HIP1: variants seen among roughly 807,000 people sequenced by gnomAD.
The protein encoded by HIP1 is huntingtin interacting protein 1, also known as huntingtin-interacting protein 1.
Under a neutral mutation model 147.6 loss-of-function variants are expected in HIP1, and 65 were observed. The observed-to-expected ratio is 0.44, with a 90% confidence interval of 0.36 to 0.54. HIP1 has a LOEUF of 0.54. HIP1 is among the 20% of genes least tolerant of loss of function. The probability of loss-of-function intolerance (pLI) is 0.00; values close to 1 mark genes in which losing one functional copy is unlikely to be tolerated. For synonymous variants in HIP1, 479 were observed against 504.0 expected, an observed-to-expected ratio of 0.95 and a Z score of 0.67; for missense variants, 1,061 against 1,299.6, an observed-to-expected ratio of 0.82 and a Z score of 2.82.
chr7:75,585,285 A>G (rs1389703491), intron 5 of HIP1, among the ~76,000 whole-genome samples: 7 of 151,708 alleles, frequency 4.6e-5, no homozygotes, highest in Admixed American at 1.3e-4. Context: ...CCCAGGTTCA[A>G]GCGATTCTCC....
chr7:75,658,181 C>T (rs561782771), intron 1 of HIP1, among the ~76,000 whole-genome samples: 42 of 152,250 alleles, frequency 2.8e-4, no homozygotes, highest in Middle Eastern at 3.4e-3. Flanking sequence ...GCAGCCTTCA[C>T]CTCCCGACTT....
intron 1 of HIP1, among the ~76,000 whole-genome samples, chr7:75,712,708 ACTCT>A (rs1247452820): frequency 1.3e-5 from 2 of 151,448 alleles, no homozygotes; most frequent in African/African-American, 4.9e-5. Context: ...TCATTTACTC[ACTCT>A]GTCAATCTCT....
At chr7:75,585,861 C>A (rs922642795) in intron 5 of HIP1, among the ~76,000 whole-genome samples, 2 of 152,046 alleles carry the variant, frequency 1.3e-5, no homozygotes, top group Non-Finnish European at 2.9e-5. Context: ...GTTGCCCAGG[C>A]GGGAGGGCAG....
chr7:75,557,859 G>T, intron 15 of HIP1, 89 bp from the exon 16 acceptor site: 1 of 980,044 alleles, frequency 1.0e-6, no homozygotes, highest in Non-Finnish European at 1.6e-6. Context: ...GGCTGTGCGT[G>T]CCCTAGAGTC....
intron 21 of HIP1, among the ~76,000 whole-genome samples, 196 bp from the exon 22 acceptor site, chr7:75,553,785 G>A (rs1041500689): frequency 6.6e-6 from 1 of 152,142 alleles, no homozygotes; most frequent in Non-Finnish European, 1.5e-5. Flanking sequence ...TGTATTTTTA[G>A]TAGAGACGGG....
chr7:75,628,267 C>T (rs1366820064), intron 1 of HIP1, among the ~76,000 whole-genome samples: 1 of 152,138 alleles, frequency 6.6e-6, no homozygotes, highest in Non-Finnish European at 1.5e-5. Context: ...CAGCACCTGG[C>T]ATATGGAAGA....
chr7:75,738,767 G>A (rs1554523947), intron 1 of HIP1, 34 bp downstream of exon 1: 4 of 1,590,594 alleles, frequency 2.5e-6, no homozygotes, highest in East Asian at 2.3e-5. Context: ...CCCTCAGGGT[G>A]CCCCAGGGAT....
At chr7:75,700,100 A>G (rs775181763) in intron 1 of HIP1, among the ~76,000 whole-genome samples, 10 of 152,204 alleles carry the variant, frequency 6.6e-5, no homozygotes, top group African/African-American at 1.4e-4. Flanking sequence ...ATCCGCCCGC[A>G]TCGGCCTCTC....
intron 1 of HIP1, among the ~76,000 whole-genome samples, chr7:75,681,758 C>T (rs1404712254): frequency 2.0e-5 from 3 of 151,906 alleles, no homozygotes; most frequent in Admixed American, 1.3e-4. Context: ...TCTCCCACCT[C>T]CCAAAGTGCT....
At chr7:75,628,122 C>T (rs1798103223) in intron 1 of HIP1, among the ~76,000 whole-genome samples, 1 of 152,200 alleles carries the variant, frequency 6.6e-6, no homozygotes, top group Admixed American at 6.5e-5. Context: ...TTACCACCTT[C>T]CAACAGCCTA....
chr7:75,715,458 CAGAG>C lies in HIP1; in HGVS notation c.120+23339_120+23342del, dbSNP rs1164089551. On this transcript the variant is annotated intron_variant, in intron 1 of 30. Coordinates refer to ENST00000336926, the MANE Select transcript of HIP1 (RefSeq NM_005338.7). ...GAAAGAAGGGAGAGAGAGACACACACAGAGAGAGAGAGAGAGAGAGAGAGAGAGA... is the reference window on the plus strand; with the variant it reads ...GAAAGAAGGGAGAGAGAGACACACACAGAGAGAGAGAGAGAGAGAGAGAGA... Among the ~76,000 whole-genome samples, 1,002 of 106,554 alleles carry C rather than the reference CAGAG, an allele frequency of 9.4e-3. 7 individuals are homozygous for C. The highest frequency in any genetic ancestry group is 0.025 in the African/African-American group (758 of 30,158). 69.9% of individuals were successfully genotyped at this position (106,554 alleles called of 152,430 possible).
intron 5 of HIP1, 76 bp from the exon 6 acceptor site, chr7:75,582,227 C>T (rs1458476316): frequency 4.2e-5 from 48 of 1,155,764 alleles, no homozygotes; most frequent in Admixed American, 9.5e-5. Context: ...TGGTGGCACA[C>T]GCCTGTGGTC....
intron 4 of HIP1, among the ~76,000 whole-genome samples, chr7:75,589,251 A>G (rs1796395760): frequency 6.6e-6 from 1 of 152,168 alleles, no homozygotes; most frequent in East Asian, 1.9e-4. Flanking sequence ...ATTAGACCCA[A>G]CTGGAGAGGA....
intron 1 of HIP1, among the ~76,000 whole-genome samples, chr7:75,607,527 C>A (rs1157364837): frequency 2.7e-5 from 3 of 109,414 alleles, no homozygotes; most frequent in African/African-American, 1.3e-4. Flanking sequence ...CCATGCCCAG[C>A]CTAAAAAAAA....
intron 8 of HIP1, among the ~76,000 whole-genome samples, chr7:75,571,967 T>TA (rs1795652912): frequency 6.6e-6 from 1 of 152,068 alleles, no homozygotes; most frequent in South Asian, 2.1e-4. Context: ...CCTAGCACTT[T>TA]AGGAGGCTGA....
intron 1 of HIP1, among the ~76,000 whole-genome samples, chr7:75,650,875 G>A (rs937188366): frequency 2.6e-5 from 4 of 152,074 alleles, no homozygotes; most frequent in Non-Finnish European, 4.4e-5. Context: ...ATGTTATCAC[G>A]GCTTACAGGA....
chr7:75,609,010 G>A (rs1584874513), intron 1 of HIP1, among the ~76,000 whole-genome samples: 3 of 152,294 alleles, frequency 2.0e-5, no homozygotes, highest in South Asian at 4.1e-4. Flanking sequence ...GGGGAACACC[G>A]TGGGAGTCAC....
chr7:75,699,967 C>T (rs1292104111), intron 1 of HIP1, among the ~76,000 whole-genome samples: 1 of 152,150 alleles, frequency 6.6e-6, no homozygotes, highest in Non-Finnish European at 1.5e-5. Context: ...CCTCCTGCCT[C>T]AGCTTCCCTA....
At chr7:75,673,173 C>G (rs972469580) in intron 1 of HIP1, among the ~76,000 whole-genome samples, 3 of 152,114 alleles carry the variant, frequency 2.0e-5, no homozygotes, top group African/African-American at 7.2e-5. Context: ...AGGTGCCCAA[C>G]ACCACGCTGG....
Sources: gnomAD v4.1 joint callset for allele counts (sites outside exome capture counted in the v4.1 genomes callset) on GRCh38, gnomAD v4.1.1 for gene constraint, MANE v1.5 for transcripts, NCBI Gene and HGNC (gene_info 2026-07-23, HGNC 2026-07-21) for gene names.